ACACA: variants seen among roughly 807,000 people sequenced by gnomAD.
ACACA encodes acetyl-CoA carboxylase 1.
Under a neutral mutation model 296.1 loss-of-function variants are expected in ACACA, and 103 were observed. The observed-to-expected ratio is 0.35, with a 90% CI of 0.30 to 0.41. ACACA has a LOEUF of 0.41. Among genes scored for constraint, ACACA ranks in the 10% least tolerant of loss-of-function variants. ACACA has a pLI of 1.00. For synonymous variants in ACACA, 953 were observed against 1,038.6 expected (o/e 0.92, Z 1.58); for missense variants, 1,554 against 2,989.7 (o/e 0.52, Z 11.20).
chr17:37,179,216 T>G, intron 41 of ACACA, 44 bp downstream of exon 41: 1 of 1,613,528 alleles, frequency 6.2e-7, no homozygotes, highest in African/African-American at 1.3e-5. Context: ...CTGGTACTAG[T>G]GGGCACAGAG....
intron 2 of ACACA, among the ~76,000 whole-genome samples, chr17:37,337,217 A>C (rs976768914): frequency 2.0e-5 from 3 of 152,090 alleles, no homozygotes; most frequent in African/African-American, 7.2e-5. Context: ...AACCTATACC[A>C]GCCTGGGCAC....
chr17:37,390,330 A>ATATCTATATATATATATATATC (rs1555672373), intron 1 of ACACA, among the ~76,000 whole-genome samples: 1 of 41,592 alleles, frequency 2.4e-5, no homozygotes, highest in East Asian at 1.6e-3. Context: ...ATATATATAT[A>ATATCTATATATATATATATATC]TATAAAAGGC....
At chr17:37,388,281 T>TA (rs1203281046) in intron 1 of ACACA, among the ~76,000 whole-genome samples, 1 of 152,190 alleles carries the variant, frequency 6.6e-6, no homozygotes, top group Non-Finnish European at 1.5e-5. Context: ...GGCGACTTTC[T>TA]AATCCCATAA....
chr17:37,251,876 G>T, intron 16 of ACACA, 129 bp downstream of exon 16: 3 of 880,732 alleles, frequency 3.4e-6, no homozygotes, highest in Non-Finnish European at 5.7e-6. Flanking sequence ...TGCCACCATG[G>T]TCCATGAATA....
chr17:37,157,483 G>C (rs2076295858), intron 42 of ACACA, among the ~76,000 whole-genome samples: 1 of 151,430 alleles, frequency 6.6e-6, no homozygotes, highest in Non-Finnish European at 1.5e-5. Flanking sequence ...GGTTTTAAGT[G>C]GAGAAAAATT....
chr17:37,322,757 G>A (rs1037349942), intron 3 of ACACA, among the ~76,000 whole-genome samples: 3 of 152,112 alleles, frequency 2.0e-5, no homozygotes, highest in Non-Finnish European at 2.9e-5. Flanking sequence ...GAGGAGGGAC[G>A]TCTGGACACC....
intron 1 of ACACA, chr17:37,389,478 C>T: frequency 7.1e-7 from 1 of 1,399,516 alleles, no homozygotes; most frequent in Non-Finnish European, 9.5e-7. Flanking sequence ...AGGTGGATCA[C>T]CTGAGGTGAT....
intron 25 of ACACA, 55 bp downstream of exon 25, chr17:37,234,920 A>T: frequency 6.2e-7 from 1 of 1,606,956 alleles, no homozygotes; most frequent in African/African-American, 1.3e-5. Flanking sequence ...AAAGGAAAAA[A>T]ATACTTTTTG....
At chr17:37,117,965 T>A (rs2074338759) in intron 50 of ACACA, among the ~76,000 whole-genome samples, 1 of 152,174 alleles carries the variant, frequency 6.6e-6, no homozygotes, top group Non-Finnish European at 1.5e-5. Context: ...CCTCCCTGCA[T>A]AATCCCCAGC....
intron 52 of ACACA, among the ~76,000 whole-genome samples, chr17:37,100,928 C>G (rs574438882): frequency 6.6e-6 from 1 of 152,212 alleles, no homozygotes; most frequent in East Asian, 1.9e-4. Flanking sequence ...AAGACCTTGT[C>G]TCTACTAAAA....
intron 2 of ACACA, among the ~76,000 whole-genome samples, chr17:37,335,156 C>G (rs1486482450): frequency 6.6e-6 from 1 of 152,164 alleles, no homozygotes. Flanking sequence ...CATACCCATA[C>G]TGGCCTGGTA....
chr17:37,275,505 A>AG (rs1419044012), intron 8 of ACACA, among the ~76,000 whole-genome samples: 1 of 147,484 alleles, frequency 6.8e-6, no homozygotes, highest in Non-Finnish European at 1.5e-5. Flanking sequence ...CAAAAAAAAA[A>AG]AAAAAAAAGA....
At chr17:37,119,412 T>G (rs1180470421) in intron 50 of ACACA, among the ~76,000 whole-genome samples, 1 of 152,146 alleles carries the variant, frequency 6.6e-6, no homozygotes, top group Non-Finnish European at 1.5e-5. Flanking sequence ...CCGTATACTC[T>G]CAATTTCTCA....
chr17:37,320,792 T>G (rs1410124411), intron 3 of ACACA, among the ~76,000 whole-genome samples: 1 of 148,932 alleles, frequency 6.7e-6, no homozygotes, highest in African/African-American at 2.5e-5. Context: ...ACTAAAAATA[T>G]GAAAATTAGC....
chr17:37,247,538 T>C (rs942735840), intron 18 of ACACA, among the ~76,000 whole-genome samples: 34 of 152,310 alleles, frequency 2.2e-4, no homozygotes, highest in African/African-American at 7.5e-4. Flanking sequence ...TGGTTAATTT[T>C]GTATTTTTAG....
intron 2 of ACACA, among the ~76,000 whole-genome samples, chr17:37,337,717 G>A (rs895423519): frequency 2.6e-5 from 4 of 151,548 alleles, no homozygotes; most frequent in Non-Finnish European, 5.9e-5. Flanking sequence ...CCTCCCAAAC[G>A]GTTGGGATTA....
chr17:37,188,350 A>G lies in ACACA; in HGVS notation c.4703T>C (p.Phe1568Ser), dbSNP rs1567785609. ...PTGKAIPIRL[F>S]LTNESGYYLD... ...GTAATAGCCAGACTCGTTTGTCAGG[A>G]AGAGGCGGATGGGAATTGCTTTTCC... The change falls in exon 39 of 56, where the codon TTC (phenylalanine) becomes TCC (serine). Residue 1568 changes from phenylalanine to serine, a missense_variant. By Grantham distance (155) the Phe-to-Ser change is radical. Transcript: ENST00000616317. 6.2e-7 allele frequency: 1 copy of G among 1,614,120 alleles called. No homozygotes were observed. The highest frequency in any genetic ancestry group is 8.5e-7 in the Non-Finnish European group (1 of 1,180,000).
intron 11 of ACACA, among the ~76,000 whole-genome samples, chr17:37,262,985 C>T (rs981152834): frequency 3.3e-5 from 5 of 152,196 alleles, no homozygotes; most frequent in Non-Finnish European, 5.9e-5. Context: ...CCGCCTTAGC[C>T]TCCCAAAGTG....
chr17:37,275,888 A>C, intron 8 of ACACA, 63 bp downstream of exon 8: 2 of 1,370,812 alleles, frequency 1.5e-6, no homozygotes, highest in Non-Finnish European at 2.1e-6. Flanking sequence ...AAAAGAGGTA[A>C]GTCCCAAATA....
Sources: allele counts gnomAD v4.1 joint callset (sites outside exome capture counted in the v4.1 genomes callset), GRCh38; gene constraint gnomAD v4.1.1; transcripts MANE v1.5; gene names NCBI Gene and HGNC (gene_info 2026-07-23, HGNC 2026-07-21).